HROB: variants seen among roughly 807,000 people sequenced by gnomAD.
The protein encoded by HROB is homologous recombination factor with OB-fold.
HROB carries 44 observed loss-of-function variants against 61.0 expected under a neutral mutation model. That is an observed-to-expected ratio of 0.72 (90% CI 0.57 to 0.93). The LOEUF is 0.93. HROB is among the 40% of genes least tolerant of loss of function. The probability of loss-of-function intolerance (pLI) is 0.00; values close to 1 mark genes in which losing one functional copy is unlikely to be tolerated. For missense variants in HROB, 716 were observed against 796.2 expected (o/e 0.90, Z 1.21); for synonymous variants, 301 against 310.4 (o/e 0.97, Z 0.32).
chr17:44,145,597 G>A (rs980071519), intron 2 of HROB, among the ~76,000 whole-genome samples: 1 of 152,216 alleles, frequency 6.6e-6, no homozygotes, highest in African/African-American at 2.4e-5. Flanking sequence ...AGATAGCATA[G>A]TTACTGGATG....
chr17:44,144,295 A>AC (rs1431047427), intron 1 of HROB, among the ~76,000 whole-genome samples: 1 of 151,898 alleles, frequency 6.6e-6, no homozygotes, highest in Non-Finnish European at 1.5e-5. Flanking sequence ...GCCCACCACC[A>AC]CGCCCAGCTA....
intron 1 of HROB, among the ~76,000 whole-genome samples, chr17:44,144,685 G>T (rs2053560413): frequency 6.6e-6 from 1 of 151,870 alleles, no homozygotes; most frequent in Non-Finnish European, 1.5e-5. Context: ...AAGTAGCTGG[G>T]ACTGCAGGAA....
At chr17:44,147,623 A>C (rs1281662563) in intron 2 of HROB, 3 of 425,504 alleles carry the variant, frequency 7.1e-6, no homozygotes, top group Non-Finnish European at 1.3e-5. Context: ...TTTTTAGTAG[A>C]GACGGTTTCG....
chr17:44,147,732 G>A (rs1488368146), intron 2 of HROB, 126 bp from the exon 3 acceptor site: 4 of 972,520 alleles, frequency 4.1e-6, no homozygotes, highest in Non-Finnish European at 5.9e-6. Flanking sequence ...CACCATGCCC[G>A]ACCCTCATGC....
chr17:44,154,134 G>T (rs548666611), intron 5 of HROB, among the ~76,000 whole-genome samples: 2 of 152,138 alleles, frequency 1.3e-5, no homozygotes, highest in East Asian at 3.9e-4. Context: ...ACGAGGTCAG[G>T]AGTTCAAGAC....
At chr17:44,154,503 G>A in intron 5 of HROB, 53 bp from the exon 6 acceptor site, 2 of 1,578,796 alleles carry the variant, frequency 1.3e-6, no homozygotes, top group South Asian at 1.1e-5. Context: ...GGAGACCTGG[G>A]AAGTCACAAG....
intron 1 of HROB, among the ~76,000 whole-genome samples, chr17:44,144,359 T>A (rs1180135237): frequency 6.6e-6 from 1 of 152,124 alleles, no homozygotes; most frequent in East Asian, 1.9e-4. Context: ...CAGGCTGGTC[T>A]CGAACGCCTG....
chr17:44,156,755 C>T (rs557660752), intron 8 of HROB, among the ~76,000 whole-genome samples: 6 of 152,114 alleles, frequency 3.9e-5, no homozygotes, highest in East Asian at 1.9e-4. Flanking sequence ...CTTCACCTCC[C>T]GGGTTCAAGT....
rs751124790 is a variant in HROB at position 44,152,681 on chromosome 17, A to C, written c.1353A>C (p.Arg451=). ...SQASVEEDFG[R]GPWLTMKSTL... ...CATCTGTGGAGGAGGATTTTGGGCG[A>C]GGGCCCTGGCTGACCATGAAATCCA... The change falls in exon 5 of 10, where the codon CGA becomes CGC. Residue 451 remains arginine, a synonymous_variant. Transcript: ENST00000585683. 30 of 1,613,980 alleles carry C rather than the reference A, an allele frequency of 1.9e-5. No homozygotes were observed. In the South Asian group the frequency reaches 2.7e-4, roughly 15 times the overall value.
chr17:44,154,634 G>A lies in HROB; in HGVS notation c.1528G>A (p.Asp510Asn), dbSNP rs758767448. The A allele has an allele frequency of 1.2e-6, 2 of 1,614,176 alleles. No homozygotes were observed. Among genetic ancestry groups the A allele is most frequent in the South Asian group, 2.2e-5 (2 of 91,086 alleles). Residue 510 changes from aspartate (D) to asparagine (N), a missense_variant, in exon 6 of 10, where the codon GAC (aspartate) becomes AAC (asparagine). Transcript: ENST00000585683. ...CAAGTCCCTGACTCGGAGCACAATGGACGCCAGTGTGGTTTTCAAGGACCC... is the reference window on the plus strand; with the variant it reads ...CAAGTCCCTGACTCGGAGCACAATGAACGCCAGTGTGGTTTTCAAGGACCC... ...MIKSLTRSTM[D>N]ASVVFKDPTG...
At chr17:44,151,587 A>G (rs1343967299) in intron 4 of HROB, among the ~76,000 whole-genome samples, 1 of 152,082 alleles carries the variant, frequency 6.6e-6, no homozygotes, top group South Asian at 2.1e-4. Context: ...AGCAGCAGAT[A>G]CTCTCTGGAT....
intron 5 of HROB, 130 bp downstream of exon 5, chr17:44,152,907 C>T: frequency 8.4e-7 from 1 of 1,194,712 alleles, no homozygotes; most frequent in African/African-American, 1.5e-5. Context: ...AGCACGAAGC[C>T]CCTTTGGTTG....
intron 5 of HROB, among the ~76,000 whole-genome samples, chr17:44,153,009 A>G (rs1374858069): frequency 1.3e-5 from 2 of 152,114 alleles, no homozygotes; most frequent in African/African-American, 4.8e-5. Flanking sequence ...CTGCACTTCC[A>G]GGCCCTGGGT....
chr17:44,155,433 G>A lies in HROB; in HGVS notation c.1770+22G>A, dbSNP rs528592557. ...CAAGGTAAGAGGAGCAGGAAGAAAC[G>A]GGAGACTGGTAAGGCCCTCCTTCTG... On this transcript the variant is annotated intron_variant, in intron 8 of 9. Coordinates refer to ENST00000585683, the MANE Select transcript of HROB (RefSeq NM_001171251.3). The A allele has an allele frequency of 2.2e-5, 36 of 1,612,654 alleles. No homozygotes were observed. The Middle Eastern group carries it at 6.6e-4, about 30-fold the overall frequency.
At chr17:44,160,086 G>C (rs1044150199) in intron 9 of HROB, among the ~76,000 whole-genome samples, 1 of 152,230 alleles carries the variant, frequency 6.6e-6, no homozygotes, top group Admixed American at 6.5e-5. Context: ...TGCCTTACCA[G>C]GCACTGGCGC....
Position 44,148,813 on chromosome 17 carries a change from G to A in HROB, c.1010G>A (p.Arg337Gln), listed in dbSNP as rs376836214. The A allele has an allele frequency of 4.4e-5, 71 of 1,614,150 alleles. 1 individual carries two copies. In the African/African-American group the frequency reaches 5.7e-4, roughly 13 times the overall value. ...PSRTSSGLFP[R>Q]IPLQPQAPVS... is the part of the protein sequence containing the mutation. Reference sequence around the variant, plus strand: ...AGGACTAGCTCTGGATTATTTCCTCGGATACCCTTACAACCGCAAGCTCCA... The same window carrying A: ...AGGACTAGCTCTGGATTATTTCCTCAGATACCCTTACAACCGCAAGCTCCA... Residue 337 changes from arginine (R) to glutamine (Q), a missense_variant, in exon 3 of 10, where the codon CGG becomes CAG. By Grantham distance (43) the Arg-to-Gln change is conservative. Transcript: ENST00000585683.
At chr17:44,147,028 A>AGT (rs143062329) in intron 2 of HROB, among the ~76,000 whole-genome samples, 58,304 of 147,852 alleles carry the variant, frequency 0.39, 13,972 homozygotes, top group Non-Finnish European at 0.54. Context: ...ATCTCTGTGT[A>AGT]GTGTGTGTGT....
chr17:44,155,037 G>A (rs62078933), intron 7 of HROB, 99 bp downstream of exon 7: 67,823 of 1,421,710 alleles, frequency 0.048, 2,015 homozygotes, highest in Non-Finnish European at 0.056. Flanking sequence ...CACCAGGCAC[G>A]GAGTGGCTGA....
chr17:44,160,289 T>C (rs1226905733), intron 9 of HROB, among the ~76,000 whole-genome samples: 1 of 151,988 alleles, frequency 6.6e-6, no homozygotes, highest in Non-Finnish European at 1.5e-5. Flanking sequence ...CATATATAGC[T>C]GGGCACGGTG....
Sources: gnomAD v4.1 joint callset for allele counts (sites outside exome capture counted in the v4.1 genomes callset) on GRCh38, gnomAD v4.1.1 for gene constraint, MANE v1.5 for transcripts, NCBI Gene and HGNC (gene_info 2026-07-23, HGNC 2026-07-21) for gene names.